SHROOM3: variants seen among roughly 807,000 people sequenced by gnomAD.
SHROOM3 encodes the protein protein Shroom3.
SHROOM3 carries 47 observed loss-of-function variants against 138.6 expected under a neutral mutation model. The observed-to-expected ratio is 0.34, with a 90% CI of 0.27 to 0.43. The LOEUF (loss-of-function observed/expected upper bound fraction) is 0.43. SHROOM3 is among the 20% of genes least tolerant of loss of function. SHROOM3 has a pLI of 1.00. For missense variants in SHROOM3, 2,491 were observed against 2,596.5 expected, an observed-to-expected ratio of 0.96 and a Z score of 0.88; for synonymous variants, 1,062 against 1,063.3, an observed-to-expected ratio of 1.00 and a Z score of 0.02.
chr4:76,639,831 T>A (rs1735610752), intron 2 of SHROOM3, among the ~76,000 whole-genome samples: 1 of 152,182 alleles, frequency 6.6e-6, no homozygotes, highest in Admixed American at 6.5e-5. Flanking sequence ...CCAGTCACCT[T>A]TGGGCTGATT....
In SHROOM3 at chr4:76,681,482, T is replaced by C. The variant is rs574851835; in HGVS notation, c.324-28674T>C. Among the ~76,000 whole-genome samples the C allele has an allele frequency of 6.0e-4, 91 of 152,052 alleles. No individual in the cohort carries two copies. The South Asian group carries it at 0.018, about 31-fold the overall frequency. On this transcript the variant is annotated intron_variant, in intron 2 of 10. Coordinates refer to ENST00000296043, the MANE Select transcript of SHROOM3 (RefSeq NM_020859.4). Reference sequence around the variant, plus strand: ...AAAAAAAAAAACTGACCATAATTTCTATTTTGAGACCTCATTCAGCTGGGA... The same window carrying C: ...AAAAAAAAAAACTGACCATAATTTCCATTTTGAGACCTCATTCAGCTGGGA...
chr4:76,515,507 C>A (rs1683577713), intron 1 of SHROOM3, among the ~76,000 whole-genome samples: 1 of 152,146 alleles, frequency 6.6e-6, no homozygotes, highest in South Asian at 2.1e-4. Context: ...CTCTGGTCTT[C>A]AGAATGTTAT....
chr4:76,651,406 ATATATATATATATAT>A, intron 2 of SHROOM3, among the ~76,000 whole-genome samples: 1 of 14,684 alleles, frequency 6.8e-5, no homozygotes, highest in Non-Finnish European at 1.2e-4. Context: ...CCATAAATAT[ATATATATATATATAT>A]ATATATATAT....
intron 1 of SHROOM3, among the ~76,000 whole-genome samples, chr4:76,494,095 A>G (rs1731912923): frequency 6.7e-6 from 1 of 150,234 alleles, no homozygotes; most frequent in Non-Finnish European, 1.5e-5. Context: ...TATTTTTCTC[A>G]TTCTCCCTGC....
At chr4:76,703,385 G>T (rs59096451) in intron 2 of SHROOM3, among the ~76,000 whole-genome samples, 1,598 of 152,294 alleles carry the variant, frequency 0.01, 28 homozygotes, top group African/African-American at 0.037. Context: ...AGTTACAAAA[G>T]GTCAGTAACA....
At chr4:76,676,993 C>T (rs1405357645) in intron 2 of SHROOM3, among the ~76,000 whole-genome samples, 1 of 149,262 alleles carries the variant, frequency 6.7e-6, no homozygotes, top group Non-Finnish European at 1.5e-5. Flanking sequence ...AAATTTCTGA[C>T]CGTTATAGCT....
chr4:76,512,605 T>G (rs1732361118), intron 1 of SHROOM3, among the ~76,000 whole-genome samples: 1 of 152,128 alleles, frequency 6.6e-6, no homozygotes, highest in African/African-American at 2.4e-5. Flanking sequence ...TTTAAACTGG[T>G]GGCCTTTTTG....
chr4:76,633,346 A>G (rs542326523), intron 2 of SHROOM3, among the ~76,000 whole-genome samples: 1 of 150,750 alleles, frequency 6.6e-6, no homozygotes, highest in African/African-American at 2.4e-5. Flanking sequence ...AAAAAAAAAA[A>G]AAAAAAAGAA....
chr4:76,588,840 G>A (rs961083631), intron 2 of SHROOM3, among the ~76,000 whole-genome samples: 4 of 152,090 alleles, frequency 2.6e-5, no homozygotes, highest in Non-Finnish European at 5.9e-5. Context: ...TAGGGAAAAG[G>A]TAGCACTCCT....
intron 2 of SHROOM3, among the ~76,000 whole-genome samples, chr4:76,633,332 CAAA>C (rs56002974): frequency 0.011 from 917 of 83,794 alleles, 6 homozygotes; most frequent in African/African-American, 0.036. Context: ...GACTCAGTCT[CAAA>C]AAAAAAAAAA....
chr4:76,487,882 T>C (rs1372313479), intron 1 of SHROOM3, among the ~76,000 whole-genome samples: 4 of 152,220 alleles, frequency 2.6e-5, no homozygotes, highest in African/African-American at 9.6e-5. Flanking sequence ...CATCCTTCTT[T>C]CTTTTGGCCT....
chr4:76,474,064 A>G (rs779982398), intron 1 of SHROOM3, among the ~76,000 whole-genome samples: 1 of 152,254 alleles, frequency 6.6e-6, no homozygotes, highest in Non-Finnish European at 1.5e-5. Flanking sequence ...AACTGATGGA[A>G]AAATAAAATA....
chr4:76,660,501 A>C (rs1372235991), intron 2 of SHROOM3, among the ~76,000 whole-genome samples: 1 of 152,016 alleles, frequency 6.6e-6, no homozygotes, highest in African/African-American at 2.4e-5. Flanking sequence ...TTTAAGATGG[A>C]GTCTTGCTCT....
At chr4:76,541,860 A>G (rs1412133575) in intron 1 of SHROOM3, among the ~76,000 whole-genome samples, 2 of 152,122 alleles carry the variant, frequency 1.3e-5, no homozygotes, top group African/African-American at 2.4e-5. Flanking sequence ...TTGTCTGTCA[A>G]TCCTGTTTGC....
At chr4:76,650,066 T>C (rs1301902018) in intron 2 of SHROOM3, among the ~76,000 whole-genome samples, 1 of 152,104 alleles carries the variant, frequency 6.6e-6, no homozygotes, top group Non-Finnish European at 1.5e-5. Flanking sequence ...TTGGAGAGAG[T>C]TTAAAAATGA....
At chr4:76,738,550 A>G (rs568668175) in intron 4 of SHROOM3, among the ~76,000 whole-genome samples, 22 of 152,328 alleles carry the variant, frequency 1.4e-4, no homozygotes, top group African/African-American at 5.3e-4. Context: ...CTGGGTGATT[A>G]ATTAGAGGCA....
intron 10 of SHROOM3, among the ~76,000 whole-genome samples, chr4:76,771,622 C>T (rs1358940293): frequency 1.1e-4 from 17 of 152,196 alleles, no homozygotes; most frequent in Admixed American, 1.1e-3. Context: ...ACTGCACCCC[C>T]TCCTCGAAGG....
At chr4:76,629,945 G>C (rs1267838078) in intron 2 of SHROOM3, among the ~76,000 whole-genome samples, 1 of 152,156 alleles carries the variant, frequency 6.6e-6, no homozygotes, top group Non-Finnish European at 1.5e-5. Flanking sequence ...GCCTATATAT[G>C]AACCATGAAA....
At chr4:76,547,433 G>A (rs756367330) in intron 1 of SHROOM3, among the ~76,000 whole-genome samples, 5 of 152,114 alleles carry the variant, frequency 3.3e-5, no homozygotes, top group African/African-American at 2.4e-5. Context: ...TAAAGTTACT[G>A]GAACACACGA....
Sources: allele counts gnomAD v4.1 joint callset (sites outside exome capture counted in the v4.1 genomes callset), GRCh38; gene constraint gnomAD v4.1.1; transcripts MANE v1.5; gene names NCBI Gene and HGNC (gene_info 2026-07-23, HGNC 2026-07-21).